DYRK1A: variants seen among roughly 807,000 people sequenced by gnomAD.
The protein encoded by DYRK1A is dual specificity tyrosine-phosphorylation-regulated kinase 1A.
DYRK1A carries 9 observed loss-of-function variants against 79.7 expected under a neutral mutation model. The observed-to-expected ratio is 0.11, with a 90% CI of 0.07 to 0.20. DYRK1A has a LOEUF of 0.20. Ranked by LOEUF, DYRK1A falls within the 10% of genes least tolerant of loss-of-function variation. The probability of loss-of-function intolerance (pLI) is 1.00; values close to 1 mark genes in which losing one functional copy is unlikely to be tolerated. For missense variants in DYRK1A, 622 were observed against 956.0 expected, an observed-to-expected ratio of 0.65 and a Z score of 4.61; for synonymous variants, 349 against 329.7, an observed-to-expected ratio of 1.06 and a Z score of -0.63.
rs2053910727 is a variant in DYRK1A, at chr21:37,519,205, T to C, written c.*6674T>C. 6.6e-6 allele frequency: 1 copy of C among 152,186 alleles called. No individual in the cohort carries two copies. The highest frequency in any genetic ancestry group is 2.4e-5 in the African/African-American group (1 of 41,438). The allele number at this position is 152,186 out of a possible 1,614,324, so 9.4% of individuals were successfully genotyped here. On this transcript the variant is annotated 3_prime_UTR_variant, in exon 12 of 12. Coordinates refer to ENST00000647188, the MANE Select transcript of DYRK1A (RefSeq NM_001347721.2). ...TGGAATTAGTTCCTTTATATCTCAG[T>C]CTCATCTGGTCTTGTAAGCCGGTGA... is the stretch of plus-strand genomic sequence containing the variant.
At position 37,374,082 on chromosome 21, in the gene DYRK1A, CAG is replaced by C. The variant is rs1160287584; in HGVS notation, c.-77+6455_-77+6456del. The stretch of plus-strand genomic sequence containing the variant: ...AGTGAAGGGATTTTGGGTCTAATAA[CAG>C]TTATTTTACTGACGCTTTATTTTCT... On this transcript the variant is annotated intron_variant, in intron 1 of 11. Coordinates refer to ENST00000647188, the MANE Select transcript of DYRK1A (RefSeq NM_001347721.2). Among the ~76,000 whole-genome samples, 4 of 152,162 alleles carry C rather than the reference CAG, an allele frequency of 2.6e-5. No individual in the cohort carries two copies. In the East Asian group the frequency reaches 7.7e-4, roughly 29 times the overall value.
intron 2 of DYRK1A, among the ~76,000 whole-genome samples, chr21:37,470,428 AT>A (rs765658395): frequency 3.5e-4 from 53 of 152,216 alleles, no homozygotes; most frequent in Non-Finnish European, 1.0e-4. Flanking sequence ...TAACATTTTT[AT>A]AAAAAGTGTT....
chr21:37,445,547 T>G (rs572742601), intron 2 of DYRK1A, among the ~76,000 whole-genome samples: 3 of 152,230 alleles, frequency 2.0e-5, no homozygotes, highest in South Asian at 4.2e-4. Flanking sequence ...GAAGATGCAG[T>G]TTTTGCTGGG....
chr21:37,468,965 T>A (rs1217621645), intron 2 of DYRK1A, among the ~76,000 whole-genome samples: 5 of 152,138 alleles, frequency 3.3e-5, no homozygotes, highest in Non-Finnish European at 7.4e-5. Context: ...TCCTAGAAAT[T>A]TGTAAGAAAT....
chr21:37,494,723 A>G (rs1185102918), intron 8 of DYRK1A, among the ~76,000 whole-genome samples: 1 of 151,952 alleles, frequency 6.6e-6, no homozygotes, highest in African/African-American at 2.4e-5. Flanking sequence ...TGAAGCAGGC[A>G]GATCACTTGA....
At chr21:37,509,901 T>G (rs2053702985) in intron 11 of DYRK1A, among the ~76,000 whole-genome samples, 1 of 152,216 alleles carries the variant, frequency 6.6e-6, no homozygotes, top group African/African-American at 2.4e-5. Context: ...TTCGTAAGTT[T>G]TAAATTCTGT....
intron 2 of DYRK1A, among the ~76,000 whole-genome samples, chr21:37,444,071 C>T (rs1037371827): frequency 1.2e-4 from 18 of 152,280 alleles, no homozygotes; most frequent in African/African-American, 3.4e-4. Context: ...GCTTGGTATG[C>T]CCCCGTTCCT....
chr21:37,375,010 C>G (rs1403805321), intron 1 of DYRK1A: 1 of 152,188 alleles, frequency 6.6e-6, no homozygotes, highest in African/African-American at 2.4e-5. Flanking sequence ...CTGGGACTAG[C>G]ATTGTTTTTC....
chr21:37,461,941 G>A (rs1322332636), intron 2 of DYRK1A, among the ~76,000 whole-genome samples: 3 of 148,690 alleles, frequency 2.0e-5, no homozygotes, highest in African/African-American at 7.4e-5. Flanking sequence ...CTTTTCTTCT[G>A]CGGTGTCTGA....
chr21:37,366,306 GGCGGGGCTGCGGGCGCCGACGCGGAAGC>G (rs1193196396), upstream of DYRK1A: 11 of 145,240 alleles, frequency 7.6e-5, no homozygotes, highest in African/African-American at 1.2e-4. Flanking sequence ...CCCCGGCGCG[GGCGGGGCTGCGGGCGCCGACGCGGAAGC>G]GCGGGGCGCT....
chr21:37,374,561 C>CT (rs141188103), intron 1 of DYRK1A, among the ~76,000 whole-genome samples: 1,656 of 150,486 alleles, frequency 0.011, 31 homozygotes, highest in African/African-American at 0.038. Context: ...AATCTGCTTT[C>CT]TTTTTTTTTG....
intron 11 of DYRK1A, among the ~76,000 whole-genome samples, chr21:37,507,307 C>T (rs1024669562): frequency 6.6e-6 from 1 of 152,166 alleles, no homozygotes; most frequent in Non-Finnish European, 1.5e-5. Context: ...CTTTGGTCTC[C>T]CTCAGCTCCG....
intron 6 of DYRK1A, chr21:37,488,317 G>T: frequency 2.1e-6 from 2 of 964,750 alleles, no homozygotes; most frequent in Non-Finnish European, 2.5e-6. Context: ...GATTAGACAA[G>T]TTCATATCAA....
intron 5 of DYRK1A, among the ~76,000 whole-genome samples, chr21:37,481,911 C>T (rs1259353161): frequency 6.6e-6 from 1 of 152,010 alleles, no homozygotes; most frequent in Admixed American, 6.6e-5. Context: ...AGTTGTAAGT[C>T]CTTCTATCAC....
chr21:37,449,180 C>T (rs987306055), intron 2 of DYRK1A, among the ~76,000 whole-genome samples: 8 of 152,286 alleles, frequency 5.3e-5, no homozygotes, highest in Admixed American at 3.9e-4. Context: ...CCAGTGTTTT[C>T]AAGCTGAGAA....
intron 1 of DYRK1A, among the ~76,000 whole-genome samples, chr21:37,398,010 C>T (rs902682279): frequency 6.0e-5 from 9 of 150,528 alleles, no homozygotes; most frequent in African/African-American, 2.2e-4. Flanking sequence ...GGGGCTGAGG[C>T]AGGAAGATTG....
upstream of DYRK1A, chr21:37,365,791 T>A (rs1279487371): frequency 6.6e-6 from 1 of 152,462 alleles, no homozygotes; most frequent in African/African-American, 2.4e-5. Context: ...AGGGGATTCA[T>A]CTAAAGGGCA....
At chr21:37,492,920 C>T (rs1234247412) in intron 7 of DYRK1A, 97 bp from the exon 8 acceptor site, 2 of 1,007,928 alleles carry the variant, frequency 2.0e-6, no homozygotes, top group East Asian at 4.9e-5. Flanking sequence ...CAGGAATTAG[C>T]CAATTCTTTT....
Position 37,490,299 on chromosome 21 carries a change from A to G in DYRK1A, c.762A>G (p.Arg254=). ...NFRGVSLNLT[R]KFAQQMCTAL... ...GAGGGGTCTCTTTGAACCTAACACG[A>G]AAGTTTGCGCAACAGATGTGCACTG... Residue 254 remains arginine, a synonymous_variant, in exon 7 of 12, where the codon CGA becomes CGG. Transcript: ENST00000647188. 2 of 1,613,852 alleles carry G rather than the reference A, an allele frequency of 1.2e-6. No homozygotes were observed. The highest frequency in any genetic ancestry group is 1.7e-6 in the Non-Finnish European group (2 of 1,179,784).
Sources: allele counts gnomAD v4.1 joint callset (sites outside exome capture counted in the v4.1 genomes callset), GRCh38; gene constraint gnomAD v4.1.1; transcripts MANE v1.5; gene names NCBI Gene and HGNC (gene_info 2026-07-23, HGNC 2026-07-21).